ENTREP2: variants seen among roughly 807,000 people sequenced by gnomAD.
The protein encoded by ENTREP2 is endosomal transmembrane epsin interactor 2.
the ENTREP2 span, among the ~76,000 whole-genome samples, chr15:29,536,722 T>C: frequency 6.6e-6 from 1 of 152,034 alleles, no homozygotes. Context: ...GGTCATTGGG[T>C]GGGCTCTAAT....
At chr15:29,369,279 T>C in the ENTREP2 span, among the ~76,000 whole-genome samples, 132 of 152,206 alleles carry the variant, frequency 8.7e-4, no homozygotes, top group African/African-American at 2.9e-3. Flanking sequence ...TGCCTAGACA[T>C]ATCATAAACA....
chr15:29,546,919 A>C, the ENTREP2 span, among the ~76,000 whole-genome samples: 2 of 150,350 alleles, frequency 1.3e-5, no homozygotes, highest in South Asian at 2.1e-4. Context: ...AAAAAAACGG[A>C]TACAATTAGA....
the ENTREP2 span, among the ~76,000 whole-genome samples, chr15:29,133,209 G>T: frequency 0.01 from 1,534 of 150,430 alleles, 26 homozygotes; most frequent in African/African-American, 0.036. Flanking sequence ...ACCTCCTCAA[G>T]GTCCTAGATC....
the ENTREP2 span, among the ~76,000 whole-genome samples, chr15:29,664,534 G>A: frequency 7.4e-4 from 112 of 151,906 alleles, 1 homozygote; most frequent in African/African-American, 2.5e-3. Flanking sequence ...CGGAAGCCGC[G>A]TGTGGAAGAT....
At chr15:29,428,095 A>T in the ENTREP2 span, among the ~76,000 whole-genome samples, 1 of 152,242 alleles carries the variant, frequency 6.6e-6, no homozygotes, top group Non-Finnish European at 1.5e-5. Context: ...AAATGACAGA[A>T]CAGAAATGTC....
At chr15:29,315,972 C>T in the ENTREP2 span, among the ~76,000 whole-genome samples, 23 of 116,788 alleles carry the variant, frequency 2.0e-4, no homozygotes, top group African/African-American at 6.6e-4. Context: ...AAGGACAAAG[C>T]GAAAATCTAA....
chr15:29,671,589 A>T, the ENTREP2 span, among the ~76,000 whole-genome samples: 1 of 152,216 alleles, frequency 6.6e-6, no homozygotes. Flanking sequence ...GTGTTTGAGT[A>T]AAAACAGCTC....
chr15:29,436,920 CTT>C, the ENTREP2 span, among the ~76,000 whole-genome samples: 46 of 152,320 alleles, frequency 3.0e-4, no homozygotes, highest in Admixed American at 7.2e-4. Flanking sequence ...GTCATATTTA[CTT>C]TGTTTTCCAT....
the ENTREP2 span, among the ~76,000 whole-genome samples, chr15:29,421,222 G>A: frequency 1.3e-5 from 2 of 152,220 alleles, no homozygotes; most frequent in African/African-American, 4.8e-5. Context: ...CTGACTTCAA[G>A]AGTAAGTTAG....
At chr15:29,387,863 A>T in the ENTREP2 span, among the ~76,000 whole-genome samples, 1 of 152,372 alleles carries the variant, frequency 6.6e-6, no homozygotes, top group African/African-American at 2.4e-5. Context: ...AAAACAAGAA[A>T]TGGGGAAAGG....
chr15:29,411,793 G>C, the ENTREP2 span, among the ~76,000 whole-genome samples: 1 of 152,118 alleles, frequency 6.6e-6, no homozygotes, highest in Non-Finnish European at 1.5e-5. Context: ...TCACAGTTAA[G>C]TGTTTAAACC....
the ENTREP2 span, among the ~76,000 whole-genome samples, chr15:29,556,360 T>C: frequency 6.6e-6 from 1 of 152,018 alleles, no homozygotes; most frequent in Admixed American, 6.5e-5. Flanking sequence ...GAAACAGCAA[T>C]AAGAGTCAAT....
the ENTREP2 span, among the ~76,000 whole-genome samples, chr15:29,466,141 G>A: frequency 6.6e-5 from 10 of 152,194 alleles, no homozygotes; most frequent in Non-Finnish European, 1.2e-4. Flanking sequence ...ATGATGGAGC[G>A]AGGCATGAGT....
At chr15:29,128,936 A>G in the ENTREP2 span, 1 of 1,044,284 alleles carries the variant, frequency 9.6e-7, no homozygotes, top group Non-Finnish European at 1.4e-6. Flanking sequence ...CCAGTAGTGT[A>G]GGCGCTTAAA....
chr15:29,499,805 T>A, the ENTREP2 span, among the ~76,000 whole-genome samples: 39 of 152,232 alleles, frequency 2.6e-4, 1 homozygote, highest in African/African-American at 8.9e-4. Flanking sequence ...AAGGCAGAGA[T>A]TGGCAGAATA....
the ENTREP2 span, among the ~76,000 whole-genome samples, chr15:29,207,376 G>A: frequency 2.3e-5 from 3 of 133,000 alleles, no homozygotes; most frequent in African/African-American, 5.5e-5. Context: ...AAGAGTGAGT[G>A]ATAACAAAGT....
At chr15:29,412,948 G>C in the ENTREP2 span, among the ~76,000 whole-genome samples, 2 of 151,360 alleles carry the variant, frequency 1.3e-5, no homozygotes, top group Admixed American at 6.6e-5. Context: ...AAGTAAATCT[G>C]ATCACTTCAT....
chr15:29,458,446 G>A, the ENTREP2 span, among the ~76,000 whole-genome samples: 2 of 152,008 alleles, frequency 1.3e-5, no homozygotes, highest in Non-Finnish European at 2.9e-5. Flanking sequence ...ATTAACCATC[G>A]CAGAGCCACG....
chr15:29,650,075 C>T, the ENTREP2 span, among the ~76,000 whole-genome samples: 1 of 152,116 alleles, frequency 6.6e-6, no homozygotes, highest in South Asian at 2.1e-4. Context: ...GCTTTATCCA[C>T]TTTCCCAAGT....
Sources: allele counts gnomAD v4.1 joint callset (sites outside exome capture counted in the v4.1 genomes callset), GRCh38; gene constraint gnomAD v4.1.1; transcripts MANE v1.5; gene names NCBI Gene and HGNC (gene_info 2026-07-23, HGNC 2026-07-21).